UTP20: variants seen among roughly 807,000 people sequenced by gnomAD.
UTP20 encodes the protein UTP20 small subunit processome component.
Under a neutral mutation model 329.5 loss-of-function variants are expected in UTP20, and 164 were observed. The observed-to-expected ratio is 0.50, with a 90% CI of 0.44 to 0.57. The LOEUF (loss-of-function observed/expected upper bound fraction) is 0.57. UTP20 is among the 20% of genes least tolerant of loss of function. The pLI is 0.00. For missense variants in UTP20, 3,055 were observed against 3,284.2 expected (o/e 0.93, Z 1.71); for synonymous variants, 1,151 against 1,159.3 (o/e 0.99, Z 0.14).
chr12:101,333,821 G>A (rs1376392332), intron 28 of UTP20, among the ~76,000 whole-genome samples: 1 of 152,162 alleles, frequency 6.6e-6, no homozygotes, highest in Admixed American at 6.5e-5. Context: ...GCACCACAAT[G>A]TCCAGCTAAT....
At chr12:101,364,919 C>T (rs2121008981) in intron 45 of UTP20, among the ~76,000 whole-genome samples, 1 of 152,258 alleles carries the variant, frequency 6.6e-6, no homozygotes, top group East Asian at 1.9e-4. Flanking sequence ...AAGATAATAG[C>T]TCTGAAGCAC....
chr12:101,342,510 G>A lies in UTP20; in HGVS notation c.4166G>A (p.Ser1389Asn). Residue 1389 changes from serine (S) to asparagine (N), a missense_variant, in exon 33 of 62, where the codon AGC becomes AAC. By Grantham distance (46) the Ser-to-Asn change is conservative. Coordinates refer to ENST00000261637, the MANE Select transcript of UTP20 (RefSeq NM_014503.3). The part of the protein sequence containing the change: ...NLLKHCVDPT[S>N]FLKPIAKLFS... ...TTAAAGCATTGTGTGGACCCTACAA[G>A]CTTCCTCAAGCCTATAGCAAAACTT... 1 of 1,613,550 alleles carries A rather than the reference G, an allele frequency of 6.2e-7. No individual in the cohort carries two copies. Among genetic ancestry groups the A allele is most frequent in the Non-Finnish European group, 8.5e-7 (1 of 1,179,756 alleles).
rs1870222876 is a variant in UTP20 at position 101,369,787 on chromosome 12, A to G, written c.6451A>G (p.Lys2151Glu). Residue 2151 changes from lysine (K) to glutamate (E), a missense_variant, in exon 49 of 62, where the codon AAA (lysine) becomes GAA (glutamate). Transcript: ENST00000261637. The stretch of plus-strand genomic sequence containing the variant: ...GTTCCCGCTACCTTCCATAGAAACA[A>G]AAGCAGAGCAGCTGACAAAACACCT... ...LRFPLPSIETKAEQLTKHLFL... is the reference protein window; with the variant it reads ...LRFPLPSIETEAEQLTKHLFL... The G allele has an allele frequency of 1.9e-6, 3 of 1,612,034 alleles. No homozygotes were observed. Among genetic ancestry groups the G allele is most frequent in the Non-Finnish European group, 2.5e-6 (3 of 1,178,162 alleles).
At chr12:101,349,383 T>G (rs1221744098) in intron 38 of UTP20, among the ~76,000 whole-genome samples, 1 of 151,664 alleles carries the variant, frequency 6.6e-6, no homozygotes, top group Non-Finnish European at 1.5e-5. Flanking sequence ...ATATGTAGTT[T>G]GCATCAAACT....
chr12:101,366,439 C>T (rs1198276202), intron 46 of UTP20, 119 bp from the exon 47 acceptor site: 15 of 1,330,982 alleles, frequency 1.1e-5, no homozygotes, highest in Non-Finnish European at 1.5e-5. Flanking sequence ...GGGGCAAAAC[C>T]CAAGCAAATG....
At chr12:101,317,216 CA>C (rs1872998588) in intron 21 of UTP20, among the ~76,000 whole-genome samples, 1 of 152,142 alleles carries the variant, frequency 6.6e-6, no homozygotes, top group African/African-American at 2.4e-5. Context: ...CCACTTAGTC[CA>C]AAATAGACAT....
rs752070046 is a variant in UTP20, at chr12:101,346,503, G to A, written c.4799G>A (p.Gly1600Asp). The change falls in exon 38 of 62, where the codon GGC becomes GAC. Residue 1600 changes from glycine (G) to aspartate (D), a missense_variant. Coordinates refer to ENST00000261637, the MANE Select transcript of UTP20 (RefSeq NM_014503.3). ...LKKLAKQLMEGKVVLSSKSLQ... is the reference protein window; with the variant it reads ...LKKLAKQLMEDKVVLSSKSLQ... The stretch of plus-strand genomic sequence containing the variant: ...AAACTTGCAAAACAACTAATGGAAG[G>A]CAAAGTTGTTCTGTCTTCTAAATCT... 1.2e-6 allele frequency: 2 copies of A among 1,609,514 alleles called. No homozygotes were observed. Among genetic ancestry groups the A allele is most frequent in the South Asian group, 1.1e-5 (1 of 90,050 alleles).
intron 6 of UTP20, 101 bp downstream of exon 6, chr12:101,289,142 C>T (rs1435402192): frequency 6.0e-6 from 6 of 1,003,044 alleles, no homozygotes; most frequent in African/African-American, 3.3e-5. Flanking sequence ...CTTGGGAGGC[C>T]GAGGCAGGTG....
chr12:101,345,443 TA>T, intron 36 of UTP20, 110 bp from the exon 37 acceptor site: 1 of 757,096 alleles, frequency 1.3e-6, no homozygotes, highest in Non-Finnish European at 2.0e-6. Flanking sequence ...CTTTTTTTTT[TA>T]ACAGTGGAAA....
At chr12:101,292,835 A>G (rs1485899967) in intron 10 of UTP20, among the ~76,000 whole-genome samples, 1 of 152,164 alleles carries the variant, frequency 6.6e-6, no homozygotes, top group Non-Finnish European at 1.5e-5. Context: ...CATTTTAGTG[A>G]ATTTGGAAGT....
chr12:101,280,158 C>G lies in UTP20; in HGVS notation c.-125C>G. ...GCGGCGCCCAGGGGCTCAAGCCGCA[C>G]GTGAGAAAGTCTGGGCATCTGGGAA... On this transcript the variant is annotated 5_prime_UTR_variant, in exon 1 of 62. Transcript: ENST00000261637. 1 of 1,268,294 alleles carries G rather than the reference C, an allele frequency of 7.9e-7. No individual in the cohort carries two copies. The highest frequency in any genetic ancestry group is 2.6e-5 in the East Asian group (1 of 37,790). 78.6% of individuals were successfully genotyped at this position (1,268,294 alleles called of 1,614,324 possible).
intron 12 of UTP20, among the ~76,000 whole-genome samples, chr12:101,298,722 A>G (rs1333957083): frequency 6.6e-6 from 1 of 152,178 alleles, no homozygotes; most frequent in Non-Finnish European, 1.5e-5. Flanking sequence ...ATTATTACTA[A>G]AAAGACTATA....
In UTP20 at chr12:101,371,187, T is replaced by TCCCCATA. The variant is rs1317028006; in HGVS notation, c.6798+20_6798+26dup. The TCCCCATA allele has an allele frequency of 6.4e-7, 1 of 1,572,168 alleles. No homozygotes were observed. Among genetic ancestry groups the TCCCCATA allele is most frequent in the Non-Finnish European group, 8.7e-7 (1 of 1,155,036 alleles). ...TAGACAGGTTTGTAGAGAGCACTTATCCCCATAGCAAGGGCTGGGCCCTGC... is the reference window on the plus strand; with the variant it reads ...TAGACAGGTTTGTAGAGAGCACTTATCCCCATACCCCATAGCAAGGGCTGGGCCCTGC... On this transcript the variant is annotated intron_variant, in intron 51 of 61. Transcript: ENST00000261637.
intron 40 of UTP20, 101 bp from the exon 41 acceptor site, chr12:101,354,730 AT>A: frequency 1.5e-6 from 2 of 1,294,466 alleles, no homozygotes; most frequent in East Asian, 2.3e-5. Context: ...CTGATTAGAT[AT>A]TTTTTATCGG....
intron 15 of UTP20, among the ~76,000 whole-genome samples, chr12:101,304,321 C>T (rs1380187454): frequency 6.6e-6 from 1 of 152,028 alleles, no homozygotes; most frequent in Non-Finnish European, 1.5e-5. Context: ...GATTATCTCT[C>T]AAAAAGGGGT....
chr12:101,290,362 A>G, intron 7 of UTP20, 88 bp downstream of exon 7: 1 of 1,459,724 alleles, frequency 6.9e-7, no homozygotes, highest in Non-Finnish European at 9.1e-7. Flanking sequence ...TGGAGGGAAG[A>G]CAGCCTAGAG....
intron 37 of UTP20, among the ~76,000 whole-genome samples, chr12:101,346,105 G>A (rs1465436433): frequency 2.0e-5 from 3 of 151,854 alleles, no homozygotes; most frequent in South Asian, 2.1e-4. Context: ...AGGCTGGAGT[G>A]CAATGGCGCA....
At chr12:101,382,340 C>T (rs1870674379) in intron 58 of UTP20, among the ~76,000 whole-genome samples, 1 of 151,924 alleles carries the variant, frequency 6.6e-6, no homozygotes. Context: ...AGAGGTTTCA[C>T]TGAGCCGAGA....
intron 14 of UTP20, 123 bp from the exon 15 acceptor site, chr12:101,302,325 G>T: frequency 1.6e-6 from 1 of 627,086 alleles, no homozygotes; most frequent in South Asian, 1.9e-5. Flanking sequence ...ACAATTCTTT[G>T]GAAGGCATAA....
Sources: allele counts gnomAD v4.1 joint callset (sites outside exome capture counted in the v4.1 genomes callset), GRCh38; gene constraint gnomAD v4.1.1; transcripts MANE v1.5; gene names NCBI Gene and HGNC (gene_info 2026-07-23, HGNC 2026-07-21).